NRXN1: variants seen among roughly 807,000 people sequenced by gnomAD.
NRXN1 encodes the protein neurexin-1.
NRXN1 carries 39 observed loss-of-function variants against 150.9 expected under a neutral mutation model. The observed-to-expected ratio is 0.26, with a 90% CI of 0.20 to 0.34. The LOEUF (loss-of-function observed/expected upper bound fraction) is 0.34, where lower values mean the gene tolerates loss of function less well. Ranked by LOEUF, NRXN1 falls within the 10% of genes least tolerant of loss-of-function variation. The pLI, the probability that NRXN1 is intolerant of heterozygous loss-of-function variation, is 1.00. For missense variants in NRXN1, 1,815 were observed against 1,949.9 expected (o/e 0.93, Z 1.30); for synonymous variants, 924 against 757.0 (o/e 1.22, Z -3.62).
chr2:50,626,814 T>C (rs1681175090), intron 5 of NRXN1, among the ~76,000 whole-genome samples: 2 of 151,814 alleles, frequency 1.3e-5, no homozygotes, highest in African/African-American at 2.4e-5. Flanking sequence ...AAATAACAAT[T>C]TTGGAGAAAA....
chr2:50,217,293 A>G (rs1027139152), intron 18 of NRXN1, among the ~76,000 whole-genome samples: 5 of 152,074 alleles, frequency 3.3e-5, no homozygotes, highest in Non-Finnish European at 7.4e-5. Flanking sequence ...CTTATTCTCA[A>G]TCACATCTTT....
At chr2:50,016,059 C>T (rs1686536949) in intron 21 of NRXN1, among the ~76,000 whole-genome samples, 1 of 151,758 alleles carries the variant, frequency 6.6e-6, no homozygotes. Context: ...CTTTGTAGAA[C>T]ATGAAAAAAA....
At chr2:50,085,946 G>A (rs1004831274) in intron 19 of NRXN1, among the ~76,000 whole-genome samples, 1 of 152,118 alleles carries the variant, frequency 6.6e-6, no homozygotes, top group Non-Finnish European at 1.5e-5. Flanking sequence ...AAAGGAAGGT[G>A]CATAGCTTGT....
intron 17 of NRXN1, among the ~76,000 whole-genome samples, chr2:50,303,268 C>A (rs928064184): frequency 9.2e-5 from 14 of 152,124 alleles, no homozygotes; most frequent in African/African-American, 3.4e-4. Flanking sequence ...TCTATGCATG[C>A]ATTGGATACA....
chr2:50,523,811 G>C (rs1047583899), intron 12 of NRXN1, among the ~76,000 whole-genome samples: 1 of 152,162 alleles, frequency 6.6e-6, no homozygotes, highest in African/African-American at 2.4e-5. Context: ...CAATACTTGG[G>C]CACTGGACTG....
At chr2:50,079,031 T>C (rs990081395) in intron 19 of NRXN1, among the ~76,000 whole-genome samples, 1 of 152,128 alleles carries the variant, frequency 6.6e-6, no homozygotes, top group African/African-American at 2.4e-5. Flanking sequence ...ACATTATTAA[T>C]TGTAATTTTT....
chr2:50,572,229 C>A (rs1362166230), intron 8 of NRXN1, among the ~76,000 whole-genome samples: 1 of 152,190 alleles, frequency 6.6e-6, no homozygotes, highest in African/African-American at 2.4e-5. Context: ...TGTGCCCAAA[C>A]AACCAGCCAG....
At chr2:50,986,808 C>T (rs1697796670) in intron 2 of NRXN1, among the ~76,000 whole-genome samples, 1 of 151,408 alleles carries the variant, frequency 6.6e-6, no homozygotes, top group African/African-American at 2.4e-5. Flanking sequence ...AAAAGCAACT[C>T]ACAGAAAAAA....
chr2:51,022,675 ACT>A (rs1284737379), intron 2 of NRXN1, among the ~76,000 whole-genome samples: 2 of 152,096 alleles, frequency 1.3e-5, no homozygotes, highest in African/African-American at 4.8e-5. Flanking sequence ...TTCAAACAAA[ACT>A]CTGGCAAAAT....
intron 17 of NRXN1, among the ~76,000 whole-genome samples, chr2:50,409,586 TC>T (rs1370126705): frequency 6.6e-6 from 1 of 152,186 alleles, no homozygotes; most frequent in African/African-American, 2.4e-5. Flanking sequence ...TTTAAACCTT[TC>T]AAACAGTACA....
At chr2:50,078,315 G>C (rs981824204) in intron 19 of NRXN1, among the ~76,000 whole-genome samples, 4 of 151,364 alleles carry the variant, frequency 2.6e-5, no homozygotes, top group Admixed American at 2.6e-4. Context: ...TTTCTGAAAT[G>C]TTATATAGAA....
At chr2:50,034,377 C>G (rs2152570706) in intron 21 of NRXN1, among the ~76,000 whole-genome samples, 1 of 152,128 alleles carries the variant, frequency 6.6e-6, no homozygotes, top group East Asian at 1.9e-4. Context: ...TTATCCTTAG[C>G]AAACCAACAC....
Position 50,284,594 on chromosome 2 carries a change from T to C in NRXN1, c.3365-47624A>G, listed in dbSNP as rs1194702973. Among the ~76,000 whole-genome samples, 3 of 152,168 alleles carry C rather than the reference T, an allele frequency of 2.0e-5. No homozygotes were observed. In the East Asian group the frequency reaches 5.8e-4, roughly 29 times the overall value. The stretch of plus-strand genomic sequence containing the variant: ...GTAGGGGAGTGTCTACCACAGAATA[T>C]ATTGTAGTCAGTAAATGCTTTCTCT... On this transcript the variant is annotated intron_variant, in intron 17 of 22. Coordinates refer to ENST00000401669, the MANE Select transcript of NRXN1 (RefSeq NM_001330078.2).
At chr2:50,242,556 C>T (rs1402889040) in intron 17 of NRXN1, among the ~76,000 whole-genome samples, 3 of 151,620 alleles carry the variant, frequency 2.0e-5, no homozygotes, top group African/African-American at 7.3e-5. Context: ...AAAAAGTGAA[C>T]ATCTTAGGAG....
At chr2:50,965,597 T>C (rs1693932553) in intron 2 of NRXN1, among the ~76,000 whole-genome samples, 1 of 151,504 alleles carries the variant, frequency 6.6e-6, no homozygotes, top group Non-Finnish European at 1.5e-5. Context: ...ACTTGAATGG[T>C]TTTTAAAAGT....
chr2:50,309,291 T>C lies in NRXN1; in HGVS notation c.3365-72321A>G, dbSNP rs1293944675. On this transcript the variant is annotated intron_variant, in intron 17 of 22. Transcript: ENST00000401669. The stretch of plus-strand genomic sequence containing the variant: ...ACAAACATCAATGTCTTCAAAACTA[T>C]AGAGTTTTTACTAGGACACAGTTTT... Among the ~76,000 whole-genome samples the C allele has an allele frequency of 3.9e-5, 6 of 152,306 alleles. No individual in the cohort carries two copies. In the East Asian group the frequency reaches 9.7e-4, roughly 25 times the overall value.
At chr2:51,003,487 T>G (rs1700321184) in intron 2 of NRXN1, among the ~76,000 whole-genome samples, 1 of 152,036 alleles carries the variant, frequency 6.6e-6, no homozygotes, top group Non-Finnish European at 1.5e-5. Context: ...ATATCACATT[T>G]AATCATCAAA....
chr2:50,746,463 C>T (rs1700037738), intron 5 of NRXN1, among the ~76,000 whole-genome samples: 1 of 151,958 alleles, frequency 6.6e-6, no homozygotes, highest in African/African-American at 2.4e-5. Context: ...GAAGCTGAGG[C>T]AGAAGGATGG....
intron 17 of NRXN1, among the ~76,000 whole-genome samples, chr2:50,240,878 G>A (rs1297143845): frequency 2.0e-5 from 3 of 151,590 alleles, no homozygotes; most frequent in Non-Finnish European, 4.4e-5. Context: ...CATGTGTGAG[G>A]GCAGTTGTGT....
Sources: allele counts gnomAD v4.1 joint callset (sites outside exome capture counted in the v4.1 genomes callset), GRCh38; gene constraint gnomAD v4.1.1; transcripts MANE v1.5; gene names NCBI Gene and HGNC (gene_info 2026-07-23, HGNC 2026-07-21).